Variants in INPP4B observed in about 807,000 individuals in gnomAD.
INPP4B encodes the protein inositol polyphosphate-4-phosphatase type II B.
A neutral mutation model predicts 122.5 loss-of-function variants in INPP4B; 55 were observed. The ratio of observed to expected loss-of-function variants is 0.45; its 90% CI spans 0.36 to 0.56. The LOEUF (loss-of-function observed/expected upper bound fraction) is 0.56, where lower values mean the gene tolerates loss of function less well. INPP4B is among the 20% of genes least tolerant of loss of function. The pLI is 0.00. For synonymous variants in INPP4B, 403 were observed against 388.7 expected (o/e 1.04, Z -0.43); for missense variants, 1,000 against 1,097.7 (o/e 0.91, Z 1.26).
chr4:142,360,720 A>T (rs1497397), intron 7 of INPP4B, among the ~76,000 whole-genome samples: 3 of 151,738 alleles, frequency 2.0e-5, no homozygotes, highest in Admixed American at 2.0e-4. Context: ...ATAATAGTCA[A>T]GATGATGGTT....
intron 11 of INPP4B, among the ~76,000 whole-genome samples, chr4:142,239,364 A>T (rs1858151470): frequency 6.6e-6 from 1 of 152,168 alleles, no homozygotes; most frequent in Admixed American, 6.6e-5. Flanking sequence ...GCCAGAAGAA[A>T]GTACACTATT....
At chr4:142,298,347 A>G (rs17015844) in intron 9 of INPP4B, among the ~76,000 whole-genome samples, 14,484 of 152,100 alleles carry the variant, frequency 0.095, 718 homozygotes, top group South Asian at 0.17. Context: ...AAGGGGTCCA[A>G]GAAGAAGCTG....
chr4:142,347,616 A>G (rs1780684332), intron 7 of INPP4B: 1 of 364,926 alleles, frequency 2.7e-6, no homozygotes, highest in Admixed American at 3.7e-5. Flanking sequence ...TATCAAAATA[A>G]AAATTAAATT....
chr4:142,190,570 C>A (rs1835337654), intron 15 of INPP4B, among the ~76,000 whole-genome samples: 1 of 152,132 alleles, frequency 6.6e-6, no homozygotes, highest in South Asian at 2.1e-4. Context: ...TTAAGATCCA[C>A]AAAGTTGTTT....
At chr4:142,145,331 G>C (rs1810109630) in intron 18 of INPP4B, among the ~76,000 whole-genome samples, 1 of 151,966 alleles carries the variant, frequency 6.6e-6, no homozygotes, top group African/African-American at 2.4e-5. Flanking sequence ...TATTTTTTTA[G>C]AGCAATATGC....
chr4:142,577,390 A>C (rs1455334126), intron 2 of INPP4B, among the ~76,000 whole-genome samples: 1 of 152,012 alleles, frequency 6.6e-6, no homozygotes, highest in Non-Finnish European at 1.5e-5. Flanking sequence ...CTGCAAAAAA[A>C]TTTAGTTCAT....
At chr4:142,246,065 G>A (rs947737352) in intron 11 of INPP4B, among the ~76,000 whole-genome samples, 1 of 143,172 alleles carries the variant, frequency 7.0e-6, no homozygotes, top group Non-Finnish European at 1.5e-5. Context: ...ATATATGTGT[G>A]TGTGTATACA....
chr4:142,826,499 C>CACACAA lies in INPP4B; in HGVS notation c.-254+19709_-254+19710insTTGTGT, dbSNP rs576579504. Among the ~76,000 whole-genome samples, 423 of 116,950 alleles carry CACACAA rather than the reference C, an allele frequency of 3.6e-3. 7 individuals are homozygous for CACACAA. In the East Asian group the frequency reaches 0.04, roughly 11 times the overall value. The allele number at this position is 116,950 out of a possible 152,430, so 76.7% of individuals were successfully genotyped here. ...ATGCTAAATTGTGTTCATAAAATCA[C>CACACAA]ACACACACACACACACACAAATAAA... On this transcript the variant is annotated intron_variant, in intron 1 of 25. Coordinates refer to ENST00000262992, the MANE Select transcript of INPP4B (RefSeq NM_001101669.3).
chr4:142,612,134 A>C (rs929169029), intron 2 of INPP4B, among the ~76,000 whole-genome samples: 1 of 152,174 alleles, frequency 6.6e-6, no homozygotes, highest in Non-Finnish European at 1.5e-5. Flanking sequence ...AGGAGAAAAA[A>C]ATAGAGGAAG....
At chr4:142,317,908 T>C (rs900783319) in intron 7 of INPP4B, among the ~76,000 whole-genome samples, 2 of 152,138 alleles carry the variant, frequency 1.3e-5, no homozygotes, top group African/African-American at 2.4e-5. Context: ...ATTGGGGCCA[T>C]TTACTGTAGA....
At chr4:142,279,436 A>T (rs907057658) in intron 9 of INPP4B, among the ~76,000 whole-genome samples, 2 of 151,888 alleles carry the variant, frequency 1.3e-5, no homozygotes, top group South Asian at 4.1e-4. Flanking sequence ...AGACAAACTG[A>T]CAAATAGAAA....
chr4:142,472,851 A>G (rs1447284048), intron 2 of INPP4B, among the ~76,000 whole-genome samples: 1 of 152,198 alleles, frequency 6.6e-6, no homozygotes, highest in Non-Finnish European at 1.5e-5. Flanking sequence ...CAAAATGCAG[A>G]CATTTGTATT....
At chr4:142,258,185 C>G (rs900439083) in intron 11 of INPP4B, among the ~76,000 whole-genome samples, 4 of 152,086 alleles carry the variant, frequency 2.6e-5, no homozygotes, top group African/African-American at 9.7e-5. Context: ...TTCCTTATAC[C>G]TTATACAAAA....
At chr4:142,692,914 T>TATGGATAGATAG (rs139962549) in intron 2 of INPP4B, among the ~76,000 whole-genome samples, 1 of 148,238 alleles carries the variant, frequency 6.7e-6, no homozygotes, top group Admixed American at 6.7e-5. Context: ...GGCTAGTCTC[T>TATGGATAGATAG]ATAGATAGAT....
At chr4:142,561,063 T>C (rs1730370814) in intron 2 of INPP4B, among the ~76,000 whole-genome samples, 1 of 152,200 alleles carries the variant, frequency 6.6e-6, no homozygotes, top group Non-Finnish European at 1.5e-5. Flanking sequence ...CCCAAAAAAG[T>C]ATTTAATAAG....
intron 2 of INPP4B, among the ~76,000 whole-genome samples, chr4:142,496,008 A>C (rs1222158938): frequency 1.3e-5 from 2 of 152,104 alleles, no homozygotes; most frequent in African/African-American, 4.8e-5. Context: ...TAGTGCATCT[A>C]GTACTGCTTG....
At chr4:142,450,976 C>A (rs1361382440) in intron 3 of INPP4B, among the ~76,000 whole-genome samples, 1 of 110,662 alleles carries the variant, frequency 9.0e-6, no homozygotes. Flanking sequence ...AAAATTAACT[C>A]CCCCCCCCAA....
intron 25 of INPP4B, among the ~76,000 whole-genome samples, chr4:142,072,977 T>C (rs530810878): frequency 1.3e-5 from 2 of 152,186 alleles, no homozygotes; most frequent in South Asian, 2.1e-4. Context: ...AATTCCAAAG[T>C]CCTTCCTCTT....
chr4:142,049,967 A>G (rs1184655099), intron 25 of INPP4B, among the ~76,000 whole-genome samples: 1 of 152,008 alleles, frequency 6.6e-6, no homozygotes, highest in East Asian at 1.9e-4. Context: ...ACCATATCTC[A>G]TTACTCAAAA....
Sources: allele counts gnomAD v4.1 joint callset (sites outside exome capture counted in the v4.1 genomes callset), GRCh38; gene constraint gnomAD v4.1.1; transcripts MANE v1.5; gene names NCBI Gene and HGNC (gene_info 2026-07-23, HGNC 2026-07-21).